LEKR1: variants seen among roughly 807,000 people sequenced by gnomAD.
The protein encoded by LEKR1 is protein LEKR1.
A neutral mutation model predicts 72.4 loss-of-function variants in LEKR1; 59 were observed. The observed-to-expected ratio is 0.82, with a 90% CI of 0.66 to 1.01. The LOEUF is 1.01. LEKR1 is among the 50% of genes least tolerant of loss of function. The pLI is 0.00. For missense variants in LEKR1, 728 were observed against 759.2 expected (o/e 0.96, Z 0.48); for synonymous variants, 257 against 263.2 (o/e 0.98, Z 0.23).
intron 4 of LEKR1, among the ~76,000 whole-genome samples, chr3:156,922,258 G>A (rs1401146229): frequency 6.6e-6 from 1 of 152,048 alleles, no homozygotes; most frequent in Admixed American, 6.6e-5. Flanking sequence ...CTAGAGTTCA[G>A]TGACTTTTGT....
At chr3:156,834,548 A>G (rs909589497) in intron 2 of LEKR1, among the ~76,000 whole-genome samples, 8 of 152,258 alleles carry the variant, frequency 5.3e-5, no homozygotes, top group Admixed American at 5.2e-4. Context: ...TAATATGTTA[A>G]CTCTTAGTCA....
intron 2 of LEKR1, among the ~76,000 whole-genome samples, chr3:156,831,431 A>G (rs901350717): frequency 2.0e-5 from 3 of 152,196 alleles, no homozygotes; most frequent in African/African-American, 4.8e-5. Context: ...TTTAAGGGAT[A>G]TTATTTAAAC....
rs562710459 is a variant in LEKR1 at position 156,904,453 on chromosome 3, T to G, written c.264-16122T>G. Among the ~76,000 whole-genome samples, 7 of 151,504 alleles carry G rather than the reference T, an allele frequency of 4.6e-5. No individual in the cohort carries two copies. In the South Asian group the frequency reaches 1.5e-3, roughly 32 times the overall value. ...TTTACTTTTTAAAATATTTTTATTTTTTTATTTTTAGAGACAGGGTCTCAC... is the reference window on the plus strand; with the variant it reads ...TTTACTTTTTAAAATATTTTTATTTGTTTATTTTTAGAGACAGGGTCTCAC... On this transcript the variant is annotated intron_variant, in intron 3 of 12. Transcript: ENST00000356539.
chr3:156,914,846 A>G (rs1426196591), intron 3 of LEKR1, among the ~76,000 whole-genome samples: 1 of 152,032 alleles, frequency 6.6e-6, no homozygotes, highest in Non-Finnish European at 1.5e-5. Context: ...ATATAGGTAA[A>G]CTTGTGTATG....
chr3:157,028,330 G>A lies in LEKR1; in HGVS notation c.1596G>A (p.Lys532=). The change falls in exon 12 of 13, where the codon AAG becomes AAA. Residue 532 remains lysine (K), a synonymous_variant. Coordinates refer to ENST00000356539, the MANE Select transcript of LEKR1 (RefSeq NM_001004316.3). ...SENLRKEMEQ[K]SDELKRVMLA... ...ACTTGAGGAAGGAAATGGAACAGAA[G>A]TCGGATGAACTGAAAAGAGTAATGC... 6.2e-7 allele frequency: 1 copy of A among 1,613,304 alleles called. No individual in the cohort carries two copies. Among genetic ancestry groups the A allele is most frequent in the Non-Finnish European group, 8.5e-7 (1 of 1,179,622 alleles).
chr3:156,999,272 A>G (rs541083807), intron 9 of LEKR1, among the ~76,000 whole-genome samples: 29 of 152,332 alleles, frequency 1.9e-4, no homozygotes, highest in Admixed American at 5.2e-4. Flanking sequence ...AGAAAAGTAT[A>G]CACAAAACCC....
In LEKR1 at chr3:156,882,408, C is replaced by T. The variant is rs955936801; in HGVS notation, c.263+29426C>T. Among the ~76,000 whole-genome samples the T allele has an allele frequency of 3.6e-3, 550 of 152,150 alleles. 4 individuals carry two copies. Among genetic ancestry groups the T allele is most frequent in the Non-Finnish European group, 6.2e-3 (423 of 67,956 alleles). On this transcript the variant is annotated intron_variant, in intron 3 of 12. Coordinates refer to ENST00000356539, the MANE Select transcript of LEKR1 (RefSeq NM_001004316.3). ...CAAAAGACACATGAAAAAATGCTCA[C>T]CATCACTGGCCATCAGAGAAATGCA...
intron 3 of LEKR1, among the ~76,000 whole-genome samples, chr3:156,859,799 C>T (rs1576679056): frequency 6.6e-6 from 1 of 152,332 alleles, no homozygotes; most frequent in Non-Finnish European, 1.5e-5. Context: ...CCCGTTAACA[C>T]TTAGCAACCA....
intron 7 of LEKR1, among the ~76,000 whole-genome samples, chr3:156,990,191 T>C (rs535142567): frequency 6.3e-4 from 96 of 152,284 alleles, no homozygotes; most frequent in South Asian, 5.0e-3. Flanking sequence ...TTCATTTTTA[T>C]TGGTCTGATG....
At chr3:156,967,857 G>A (rs1190884774) in intron 6 of LEKR1, among the ~76,000 whole-genome samples, 4 of 152,158 alleles carry the variant, frequency 2.6e-5, no homozygotes, top group Non-Finnish European at 4.4e-5. Flanking sequence ...AGGAAAAAAT[G>A]TTAAGGGCAG....
intron 6 of LEKR1, among the ~76,000 whole-genome samples, chr3:156,970,708 G>C (rs1729093896): frequency 6.6e-6 from 1 of 151,954 alleles, no homozygotes; most frequent in African/African-American, 2.4e-5. Context: ...AACAGACAGA[G>C]AGCCAAATCA....
chr3:156,866,349 T>C (rs1196258231), intron 3 of LEKR1, among the ~76,000 whole-genome samples: 1 of 152,036 alleles, frequency 6.6e-6, no homozygotes, highest in East Asian at 1.9e-4. Context: ...GCACCACCTC[T>C]TTCCTTTGTT....
rs116397144 is a variant in LEKR1 at position 156,992,985 on chromosome 3, A to G, written c.906-89A>G. ...TTTAAAGTTACAGTTATAATCTATAATTTCAAATGAGCTCTTGATACATCT... is the reference window on the plus strand; with the variant it reads ...TTTAAAGTTACAGTTATAATCTATAGTTTCAAATGAGCTCTTGATACATCT... On this transcript the variant is annotated intron_variant, in intron 8 of 12. Coordinates refer to ENST00000356539, the MANE Select transcript of LEKR1 (RefSeq NM_001004316.3). 7.0e-4 allele frequency: 460 copies of G among 659,564 alleles called. 2 individuals are homozygous for G. In the African/African-American group the frequency reaches 7.7e-3, roughly 11 times the overall value. The allele number at this position is 659,564 out of a possible 1,614,324, so 40.9% of individuals were successfully genotyped here.
At chr3:156,954,739 A>G (rs1044073362) in intron 6 of LEKR1, among the ~76,000 whole-genome samples, 7 of 152,184 alleles carry the variant, frequency 4.6e-5, no homozygotes, top group African/African-American at 1.4e-4. Context: ...TACTGGTACC[A>G]TGCTGTTTTG....
chr3:157,031,487 G>A (rs1734604119), intron 12 of LEKR1, among the ~76,000 whole-genome samples: 1 of 152,112 alleles, frequency 6.6e-6, no homozygotes, highest in South Asian at 2.1e-4. Context: ...GAACTGAACT[G>A]TAAGAGTAAA....
intron 5 of LEKR1, among the ~76,000 whole-genome samples, chr3:156,937,291 T>C (rs1725806493): frequency 6.6e-6 from 1 of 152,134 alleles, no homozygotes; most frequent in African/African-American, 2.4e-5. Flanking sequence ...CAACAAAGGA[T>C]TTATATGTAG....
At chr3:156,979,391 T>G in intron 7 of LEKR1, 116 bp downstream of exon 7, 3 of 433,088 alleles carry the variant, frequency 6.9e-6, no homozygotes, top group South Asian at 5.8e-5. Flanking sequence ...TCTCTGTGAT[T>G]CTTTTGGCAG....
intron 5 of LEKR1, among the ~76,000 whole-genome samples, chr3:156,927,924 TAAC>T (rs2108575663): frequency 6.6e-6 from 1 of 152,028 alleles, no homozygotes; most frequent in East Asian, 1.9e-4. Flanking sequence ...TTCTTATAGA[TAAC>T]AACTTTAATT....
At chr3:156,879,053 C>T (rs114788586) in intron 3 of LEKR1, among the ~76,000 whole-genome samples, 25,204 of 151,866 alleles carry the variant, frequency 0.17, 2,495 homozygotes, top group African/African-American at 0.26. Flanking sequence ...AAATTGGTAC[C>T]GGTAGAGTGG....
Sources: gnomAD v4.1 joint callset for allele counts (sites outside exome capture counted in the v4.1 genomes callset) on GRCh38, gnomAD v4.1.1 for gene constraint, MANE v1.5 for transcripts, NCBI Gene and HGNC (gene_info 2026-07-23, HGNC 2026-07-21) for gene names.